Variants in SHROOM4 observed in about 807,000 individuals in gnomAD.
The protein encoded by SHROOM4 is protein Shroom4.
A neutral mutation model predicts 80.3 loss-of-function variants in SHROOM4; 17 were observed. The observed-to-expected ratio is 0.21, with a 90% CI of 0.14 to 0.32. The LOEUF (loss-of-function observed/expected upper bound fraction) is 0.32. SHROOM4 is among the 10% of genes least tolerant of loss of function. SHROOM4 has a pLI of 1.00. For synonymous variants in SHROOM4, 400 were observed against 437.5 expected, an observed-to-expected ratio of 0.91 and a Z score of 1.07; for missense variants, 993 against 1,140.3, an observed-to-expected ratio of 0.87 and a Z score of 1.86.
intron 5 of SHROOM4, among the ~76,000 whole-genome samples, chrX:50,609,392 C>G (rs59129849): frequency 0.011 from 1,175 of 110,974 alleles, 18 homozygotes; most frequent in African/African-American, 0.037. Context: ...GAGTATTCTG[C>G]TACAGAAGAA....
rs147460380 is a variant in SHROOM4, at chrX:50,786,870, G to T, written c.117+27032C>A. Among the ~76,000 whole-genome samples the T allele has an allele frequency of 2.6e-3, 288 of 111,278 alleles. 1 individual carries two copies. The highest frequency in any genetic ancestry group is 9.2e-3 in the African/African-American group (281 of 30,649). The stretch of plus-strand genomic sequence containing the variant: ...ATAAAGATGTTCAAGGAGGTCAGAA[G>T]AACAACACATGAACAAAGTAAAAAT... On this transcript the variant is annotated intron_variant, in intron 1 of 8. Coordinates refer to ENST00000376020, the MANE Select transcript of SHROOM4 (RefSeq NM_020717.5).
intron 1 of SHROOM4, among the ~76,000 whole-genome samples, chrX:50,701,370 G>C (rs943574451): frequency 1.1e-4 from 12 of 111,725 alleles, no homozygotes; most frequent in African/African-American, 3.9e-4. Context: ...TCTGGTAAGG[G>C]GAGACAAACG....
At chrX:50,665,019 C>T (rs1474878542) in intron 2 of SHROOM4, among the ~76,000 whole-genome samples, 1 of 110,784 alleles carries the variant, frequency 9.0e-6, no homozygotes, top group East Asian at 2.8e-4. Flanking sequence ...TGAAAAGACA[C>T]TTTTCAGCAT....
Position 50,775,992 on chromosome X carries a change from G to C in SHROOM4, c.117+37910C>G, listed in dbSNP as rs577602384. 2.8e-4 allele frequency among the ~76,000 whole-genome samples: 31 copies of C among 112,174 alleles called. 1 individual carries two copies. The South Asian group carries it at 7.1e-3, about 26-fold the overall frequency. On this transcript the variant is annotated intron_variant, in intron 1 of 8. Transcript: ENST00000376020. ...GACATGTGAGGAAACTGAGATACAG[G>C]GAGTTGCTTCCCTGAAATTGCTGAG...
chrX:50,792,687 T>C (rs1557271671), intron 1 of SHROOM4, among the ~76,000 whole-genome samples: 1 of 108,819 alleles, frequency 9.2e-6, no homozygotes, highest in African/African-American at 3.4e-5. Flanking sequence ...ATAAGACACA[T>C]AAACAGCCAA....
At chrX:50,584,563 T>C (rs997053313), downstream of SHROOM4, among the ~76,000 whole-genome samples, 1 of 111,812 alleles carries the variant, frequency 8.9e-6, no homozygotes, top group African/African-American at 3.3e-5. Context: ...ATAAGAAGAA[T>C]AGTTAGGCTA....
intron 1 of SHROOM4, among the ~76,000 whole-genome samples, chrX:50,757,421 T>C (rs1382997565): frequency 8.9e-6 from 1 of 111,931 alleles, no homozygotes; most frequent in South Asian, 3.7e-4. Flanking sequence ...TTGGCCACTG[T>C]AGGTCCTCCA....
intron 2 of SHROOM4, among the ~76,000 whole-genome samples, chrX:50,677,164 T>C (rs1932865396): frequency 9.0e-6 from 1 of 111,440 alleles, no homozygotes; most frequent in East Asian, 2.8e-4. Flanking sequence ...TGAATTATAG[T>C]TAATCCCTGA....
chrX:50,770,256 G>A (rs782709555), intron 1 of SHROOM4, among the ~76,000 whole-genome samples: 5 of 111,331 alleles, frequency 4.5e-5, no homozygotes, highest in Admixed American at 9.5e-5. Flanking sequence ...AAATAGCCTC[G>A]GGGAGCCAGC....
At chrX:50,706,067 G>A (rs958062666) in intron 1 of SHROOM4, among the ~76,000 whole-genome samples, 1 of 107,471 alleles carries the variant, frequency 9.3e-6, no homozygotes, top group African/African-American at 3.4e-5. Context: ...TCTTCAGAGA[G>A]GTCAAGCCCA....
chrX:50,793,514 C>T (rs781923277), intron 1 of SHROOM4, among the ~76,000 whole-genome samples: 22 of 104,854 alleles, frequency 2.1e-4, no homozygotes, highest in Non-Finnish European at 3.5e-4. Flanking sequence ...TTTCTGACAT[C>T]GAAAATACAA....
intron 1 of SHROOM4, among the ~76,000 whole-genome samples, chrX:50,718,666 C>T (rs1371318498): frequency 9.0e-6 from 1 of 111,693 alleles, no homozygotes; most frequent in South Asian, 3.8e-4. Context: ...ACTTTAGCAG[C>T]AGTGTGGAAG....
At chrX:50,786,635 C>G (rs972660944) in intron 1 of SHROOM4, among the ~76,000 whole-genome samples, 1 of 111,446 alleles carries the variant, frequency 9.0e-6, no homozygotes, top group African/African-American at 3.3e-5. Flanking sequence ...CCCTAAATCT[C>G]TAGCTGGCCT....
At chrX:50,645,574 G>T (rs963248396) in intron 2 of SHROOM4, among the ~76,000 whole-genome samples, 1 of 112,047 alleles carries the variant, frequency 8.9e-6, no homozygotes, top group Non-Finnish European at 1.9e-5. Context: ...GTCATCAGAT[G>T]AGGAGTAGGC....
At chrX:50,783,232 G>A (rs1935665569) in intron 1 of SHROOM4, among the ~76,000 whole-genome samples, 1 of 111,621 alleles carries the variant, frequency 9.0e-6, no homozygotes, top group South Asian at 3.7e-4. Context: ...AAGGTTGCAG[G>A]ACATAAAACT....
At chrX:50,578,376 G>A in the SHROOM4 span, among the ~76,000 whole-genome samples, 1 of 112,181 alleles carries the variant, frequency 8.9e-6, no homozygotes, top group East Asian at 2.8e-4. Context: ...GCGTGATCTC[G>A]ACTCATTGCC....
intron 5 of SHROOM4, among the ~76,000 whole-genome samples, chrX:50,609,011 C>A (rs1043744029): frequency 1.3e-4 from 14 of 111,784 alleles, no homozygotes; most frequent in African/African-American, 4.6e-4. Context: ...GCCTGTAATC[C>A]CAGCACTTTG....
chrX:50,737,856 C>G (rs189090535), intron 1 of SHROOM4, among the ~76,000 whole-genome samples: 180 of 111,349 alleles, frequency 1.6e-3, no homozygotes, highest in African/African-American at 5.7e-3. Context: ...GATACCAAAG[C>G]CTTACTGAAA....
chrX:50,645,634 T>A (rs1189229503), intron 2 of SHROOM4, among the ~76,000 whole-genome samples: 2 of 111,544 alleles, frequency 1.8e-5, no homozygotes, highest in Non-Finnish European at 3.8e-5. Flanking sequence ...TGAGGGAAGA[T>A]GAGAGAGAAA....
Sources: gnomAD v4.1 joint callset for allele counts (sites outside exome capture counted in the v4.1 genomes callset) on GRCh38, gnomAD v4.1.1 for gene constraint, MANE v1.5 for transcripts, NCBI Gene and HGNC (gene_info 2026-07-23, HGNC 2026-07-21) for gene names.